The following CTNNA3 variants were observed in gnomAD, a reference collection of about 807,000 sequenced individuals.
CTNNA3 encodes the protein catenin alpha-3.
A neutral mutation model predicts 95.7 loss-of-function variants in CTNNA3; 76 were observed. The ratio of observed to expected loss-of-function variants is 0.79; its 90% CI spans 0.66 to 0.96. The LOEUF (loss-of-function observed/expected upper bound fraction) is 0.96, where lower values mean the gene tolerates loss of function less well. Ranked by LOEUF, CTNNA3 falls within the 40% of genes least tolerant of loss-of-function variation. The probability of loss-of-function intolerance (pLI) is 0.00; values close to 1 mark genes in which losing one functional copy is unlikely to be tolerated. For missense variants in CTNNA3, 1,191 were observed against 1,089.8 expected (o/e 1.09, Z -1.31); for synonymous variants, 431 against 374.4 (o/e 1.15, Z -1.74).
intron 3 of CTNNA3, among the ~76,000 whole-genome samples, chr10:67,549,248 A>C (rs1422342088): frequency 6.6e-6 from 1 of 152,204 alleles, no homozygotes; most frequent in Non-Finnish European, 1.5e-5. Flanking sequence ...TATTATAATG[A>C]AGCAGTAGAA....
At chr10:65,930,905 T>C (rs1173283331) in intron 17 of CTNNA3, among the ~76,000 whole-genome samples, 1 of 152,236 alleles carries the variant, frequency 6.6e-6, no homozygotes, top group Non-Finnish European at 1.5e-5. Flanking sequence ...ATGGGATGCA[T>C]AGATTAATTG....
intron 14 of CTNNA3, among the ~76,000 whole-genome samples, chr10:66,090,089 C>T (rs1358436588): frequency 6.6e-6 from 1 of 151,898 alleles, no homozygotes; most frequent in Non-Finnish European, 1.5e-5. Context: ...GTGATAACAG[C>T]CCTGACAACA....
chr10:66,186,652 C>T (rs1051610210), intron 13 of CTNNA3, among the ~76,000 whole-genome samples: 2 of 152,066 alleles, frequency 1.3e-5, no homozygotes, highest in African/African-American at 4.8e-5. Context: ...ATTGTCAAGA[C>T]TGGTTTTATG....
At chr10:66,896,124 A>T (rs1845482319) in intron 7 of CTNNA3, among the ~76,000 whole-genome samples, 1 of 151,992 alleles carries the variant, frequency 6.6e-6, no homozygotes, top group Non-Finnish European at 1.5e-5. Flanking sequence ...AAATAAAATA[A>T]AATAGTTGCC....
At chr10:67,116,008 TTTTC>T (rs1564901495) in intron 7 of CTNNA3, among the ~76,000 whole-genome samples, 1 of 152,054 alleles carries the variant, frequency 6.6e-6, no homozygotes, top group Non-Finnish European at 1.5e-5. Flanking sequence ...AAGAGTTATT[TTTTC>T]TTTCTTTGTT....
chr10:66,406,686 C>T (rs2093060029), intron 11 of CTNNA3, among the ~76,000 whole-genome samples: 1 of 152,054 alleles, frequency 6.6e-6, no homozygotes, highest in Admixed American at 6.6e-5. Flanking sequence ...AATCAAGCAA[C>T]CTGCTCCTAG....
chr10:65,983,889 A>G (rs2133310538), intron 16 of CTNNA3, among the ~76,000 whole-genome samples: 1 of 151,472 alleles, frequency 6.6e-6, no homozygotes, highest in Middle Eastern at 3.4e-3. Context: ...AGTGAAAAAT[A>G]AAAATGAAAA....
chr10:67,229,718 T>C (rs1015489412), intron 5 of CTNNA3, among the ~76,000 whole-genome samples: 1 of 152,000 alleles, frequency 6.6e-6, no homozygotes, highest in Non-Finnish European at 1.5e-5. Context: ...CCTTTTACAA[T>C]TGCTGCAAAA....
intron 10 of CTNNA3, among the ~76,000 whole-genome samples, chr10:66,556,359 T>C (rs1442614042): frequency 6.6e-6 from 1 of 152,200 alleles, no homozygotes; most frequent in East Asian, 1.9e-4. Context: ...ATCCCTCTTT[T>C]GGTATATATC....
At chr10:67,221,462 C>T (rs887667684) in intron 5 of CTNNA3, among the ~76,000 whole-genome samples, 1 of 152,178 alleles carries the variant, frequency 6.6e-6, no homozygotes, top group African/African-American at 2.4e-5. Flanking sequence ...GTTTCTTAGC[C>T]AAGTGGCAGA....
chr10:66,941,839 C>A (rs1323510127), intron 7 of CTNNA3, among the ~76,000 whole-genome samples: 1 of 152,132 alleles, frequency 6.6e-6, no homozygotes, highest in African/African-American at 2.4e-5. Flanking sequence ...TTTATTATAT[C>A]AGTACATCAG....
chr10:66,547,343 CTTTCT>C (rs1256598180), intron 10 of CTNNA3, among the ~76,000 whole-genome samples: 1 of 83,132 alleles, frequency 1.2e-5, no homozygotes, highest in Admixed American at 1.9e-4. Flanking sequence ...ATTTTTCTTT[CTTTCT>C]TTTTTTTTTT....
chr10:67,591,229 T>G (rs2043817715), intron 3 of CTNNA3, among the ~76,000 whole-genome samples: 1 of 152,156 alleles, frequency 6.6e-6, no homozygotes, highest in Non-Finnish European at 1.5e-5. Flanking sequence ...AAGAAATGTC[T>G]AGCCAACATT....
intron 7 of CTNNA3, among the ~76,000 whole-genome samples, chr10:67,114,894 T>C (rs184574144): frequency 9.9e-5 from 15 of 151,890 alleles, no homozygotes; most frequent in Admixed American, 5.3e-4. Flanking sequence ...TCATGTGGAG[T>C]TTAATGCAGC....
intron 13 of CTNNA3, among the ~76,000 whole-genome samples, chr10:66,255,120 C>G (rs9633541): frequency 0.064 from 9,746 of 152,210 alleles, 545 homozygotes; most frequent in African/African-American, 0.15. Flanking sequence ...TGAACTTTGT[C>G]ACAGACATCA....
chr10:67,501,174 C>T (rs1271398772), intron 5 of CTNNA3, among the ~76,000 whole-genome samples: 1 of 152,170 alleles, frequency 6.6e-6, no homozygotes, highest in African/African-American at 2.4e-5. Context: ...GACAAAATCT[C>T]TCAGCATTTT....
At chr10:66,040,615 T>G (rs2079666181) in intron 15 of CTNNA3, among the ~76,000 whole-genome samples, 1 of 151,994 alleles carries the variant, frequency 6.6e-6, no homozygotes. Context: ...CTTAGCAAAC[T>G]CATTCAGAAA....
At chr10:66,250,638 T>C (rs2090512254) in intron 13 of CTNNA3, among the ~76,000 whole-genome samples, 1 of 123,012 alleles carries the variant, frequency 8.1e-6, no homozygotes, top group Non-Finnish European at 1.9e-5. Flanking sequence ...ACTGCAGCTA[T>C]AGTAACCTTG....
intron 1 of CTNNA3, among the ~76,000 whole-genome samples, chr10:67,731,783 C>T (rs1841275769): frequency 6.9e-6 from 1 of 145,410 alleles, no homozygotes; most frequent in Admixed American, 7.0e-5. Context: ...GCCTGGGCAA[C>T]GTGCAAGACT....
Sources: gnomAD v4.1 joint callset for allele counts (sites outside exome capture counted in the v4.1 genomes callset) on GRCh38, gnomAD v4.1.1 for gene constraint, MANE v1.5 for transcripts, NCBI Gene and HGNC (gene_info 2026-07-23, HGNC 2026-07-21) for gene names.